The following MALRD1 variants were observed in gnomAD, a reference collection of about 807,000 sequenced individuals.
MALRD1 encodes the protein MAM and LDL-receptor class A domain-containing protein 1.
A neutral mutation model predicts 242.1 loss-of-function variants in MALRD1; 247 were observed. That is an observed-to-expected ratio of 1.02 (90% CI 0.92 to 1.13). The LOEUF (loss-of-function observed/expected upper bound fraction) is 1.13, where lower values mean the gene tolerates loss of function less well. Ranked by LOEUF, MALRD1 falls within the 50% of genes most tolerant of loss-of-function variation. MALRD1 has a pLI of 0.00. For synonymous variants in MALRD1, 995 were observed against 866.6 expected, an observed-to-expected ratio of 1.15 and a Z score of -2.60; for missense variants, 2,989 against 2,533.1, an observed-to-expected ratio of 1.18 and a Z score of -3.86.
rs1554830405 is a variant in MALRD1 at position 19,719,205 on chromosome 10, T to TACAC, written c.6315-11500_6315-11499insCACA. 1.0e-3 allele frequency among the ~76,000 whole-genome samples: 97 copies of TACAC among 96,276 alleles called. 8 individuals carry two copies. Among genetic ancestry groups the TACAC allele is most frequent in the Admixed American group, 2.1e-3 (17 of 8,026 alleles). 63.2% of individuals were successfully genotyped at this position (96,276 alleles called of 152,430 possible). On this transcript the variant is annotated intron_variant, in intron 38 of 39. Coordinates refer to ENST00000454679, the MANE Select transcript of MALRD1 (RefSeq NM_001142308.3). Reference sequence around the variant, plus strand: ...ATATATATATACATACATATATATATATATATACACATACATACATATATA... The same window carrying TACAC: ...ATATATATATACATACATATATATATACACATATATACACATACATACATATATA...
At chr10:19,423,505 A>G (rs2130922268) in intron 28 of MALRD1, among the ~76,000 whole-genome samples, 1 of 152,188 alleles carries the variant, frequency 6.6e-6, no homozygotes, top group East Asian at 1.9e-4. Context: ...GTGAATGGTG[A>G]TGGCAAAGTT....
intron 28 of MALRD1, among the ~76,000 whole-genome samples, chr10:19,421,804 TC>T (rs1281222831): frequency 2.0e-5 from 3 of 152,168 alleles, no homozygotes; most frequent in African/African-American, 7.2e-5. Flanking sequence ...TTGCCTTTTT[TC>T]CCCTGGCCAG....
At chr10:19,676,795 C>A (rs536951458) in intron 36 of MALRD1, among the ~76,000 whole-genome samples, 1 of 152,118 alleles carries the variant, frequency 6.6e-6, no homozygotes, top group East Asian at 1.9e-4. Flanking sequence ...GCCTGGCATG[C>A]GTTAGCTGTT....
intron 19 of MALRD1, among the ~76,000 whole-genome samples, chr10:19,266,109 G>A (rs1440431742): frequency 6.6e-6 from 1 of 151,294 alleles, no homozygotes; most frequent in Middle Eastern, 3.4e-3. Flanking sequence ...TCCTCAAAGT[G>A]GAAGTGAGAC....
intron 34 of MALRD1, among the ~76,000 whole-genome samples, chr10:19,604,086 AT>A (rs1838494600): frequency 1.3e-5 from 2 of 152,316 alleles, no homozygotes; most frequent in South Asian, 4.1e-4. Context: ...TGAGTAAGTC[AT>A]GTTGAACACC....
intron 21 of MALRD1, among the ~76,000 whole-genome samples, chr10:19,304,651 C>T (rs569112196): frequency 3.3e-5 from 5 of 151,806 alleles, no homozygotes; most frequent in Non-Finnish European, 5.9e-5. Context: ...TTTAAATTAA[C>T]CTGCATGTTG....
chr10:19,686,998 G>GAA (rs201361810), intron 36 of MALRD1, among the ~76,000 whole-genome samples: 5 of 142,180 alleles, frequency 3.5e-5, no homozygotes, highest in African/African-American at 1.3e-4. Context: ...AGTGCTCTTT[G>GAA]AAAAAAAAAA....
At chr10:19,199,951 C>T (rs767786374) in intron 14 of MALRD1, among the ~76,000 whole-genome samples, 2 of 151,974 alleles carry the variant, frequency 1.3e-5, no homozygotes, top group Non-Finnish European at 2.9e-5. Flanking sequence ...CATGAGGAGA[C>T]CCCATCTCAA....
In MALRD1 at chr10:19,287,964, G is replaced by A. The variant is rs1841213473; in HGVS notation, c.3419+4783G>A. ...ACAAGCAGGGAGAAAGAATGTGTTG[G>A]TACTGACTCAGATGAATTTATGAAT... On this transcript the variant is annotated intron_variant, in intron 21 of 39. Transcript: ENST00000454679. Among the ~76,000 whole-genome samples, 3 of 151,930 alleles carry A rather than the reference G, an allele frequency of 2.0e-5. No individual in the cohort carries two copies. The South Asian group carries it at 6.2e-4, about 32-fold the overall frequency.
At chr10:19,056,164 T>G (rs954372885) in intron 1 of MALRD1, among the ~76,000 whole-genome samples, 7 of 152,186 alleles carry the variant, frequency 4.6e-5, no homozygotes, top group African/African-American at 1.7e-4. Context: ...CCAGATTGTT[T>G]TGGCTACTTG....
intron 33 of MALRD1, among the ~76,000 whole-genome samples, chr10:19,593,005 TAAAAA>T (rs3069581): frequency 1.4e-5 from 2 of 144,358 alleles, no homozygotes; most frequent in East Asian, 4.1e-4. Context: ...ATAAAATACT[TAAAAA>T]AAAAAAAAAA....
chr10:19,117,330 A>G (rs547611324), intron 5 of MALRD1, among the ~76,000 whole-genome samples: 2 of 152,278 alleles, frequency 1.3e-5, no homozygotes, highest in East Asian at 3.9e-4. Flanking sequence ...GGCCAAAGGT[A>G]GTTAAAGTGG....
chr10:19,237,790 T>C (rs1564490985), intron 18 of MALRD1, among the ~76,000 whole-genome samples: 1 of 120,044 alleles, frequency 8.3e-6, no homozygotes, highest in Non-Finnish European at 1.6e-5. Flanking sequence ...TATTTATAAT[T>C]TTATATATAA....
In MALRD1 at chr10:19,610,623, A is replaced by G. The variant is rs115109953; in HGVS notation, c.6070+2721A>G. On this transcript the variant is annotated intron_variant, in intron 35 of 39. Coordinates refer to ENST00000454679, the MANE Select transcript of MALRD1 (RefSeq NM_001142308.3). The stretch of plus-strand genomic sequence containing the variant: ...TTATCTGGGACAGTACATAAATGCC[A>G]CATGATTCAAAGGGGTTTGTATGCC... 3.9e-3 allele frequency among the ~76,000 whole-genome samples: 593 copies of G among 152,132 alleles called. 3 individuals carry two copies. Among genetic ancestry groups the G allele is most frequent in the African/African-American group, 0.014 (569 of 41,558 alleles).
At chr10:19,135,053 G>T (rs1833281729) in intron 9 of MALRD1, among the ~76,000 whole-genome samples, 1 of 152,128 alleles carries the variant, frequency 6.6e-6, no homozygotes, top group African/African-American at 2.4e-5. Flanking sequence ...TGTTGGATAT[G>T]ATTTAAATTT....
At chr10:19,168,633 T>A (rs983325049) in intron 13 of MALRD1, among the ~76,000 whole-genome samples, 2 of 152,204 alleles carry the variant, frequency 1.3e-5, no homozygotes, top group African/African-American at 4.8e-5. Flanking sequence ...GCAGTGCAAA[T>A]GGAGACTATC....
chr10:19,308,256 TATGGTGTGTA>T (rs1842301425), intron 21 of MALRD1, among the ~76,000 whole-genome samples: 1 of 151,530 alleles, frequency 6.6e-6, no homozygotes, highest in Admixed American at 6.6e-5. Flanking sequence ...TTTGATTTTA[TATGGTGTGTA>T]ATGATCAGAA....
rs1438619583 is a variant in MALRD1 at position 19,352,052 on chromosome 10, C to T, written c.4196C>T (p.Thr1399Ile). The change falls in exon 26 of 40, where the codon ACC becomes ATC. Residue 1399 changes from threonine (T) to isoleucine (I), a missense_variant. Physicochemically the swap from Thr to Ile is moderately conservative, Grantham distance 89 (BLOSUM62 -1). Coordinates refer to ENST00000454679, the MANE Select transcript of MALRD1 (RefSeq NM_001142308.3). ...HMYGNGIGAL[T>I]LMQVSVTNQT... ...TATGGAAATGGCATTGGGGCACTCA[C>T]CTTAATGCAGGTGTCAGTCACAAAC... 9 of 1,550,234 alleles carry T rather than the reference C, an allele frequency of 5.8e-6. No individual in the cohort carries two copies. The Admixed American group carries it at 5.9e-5, about 10-fold the overall frequency.
intron 28 of MALRD1, among the ~76,000 whole-genome samples, chr10:19,396,289 A>G (rs928921257): frequency 6.6e-6 from 1 of 151,842 alleles, no homozygotes. Context: ...GGTGCACGCC[A>G]CCACGCCTGG....
Sources: gnomAD v4.1 joint callset for allele counts (sites outside exome capture counted in the v4.1 genomes callset) on GRCh38, gnomAD v4.1.1 for gene constraint, MANE v1.5 for transcripts, NCBI Gene and HGNC (gene_info 2026-07-23, HGNC 2026-07-21) for gene names.